ZEB1: variants seen among roughly 807,000 people sequenced by gnomAD.
The protein encoded by ZEB1 is zinc finger E-box binding homeobox 1.
ZEB1 carries 21 observed loss-of-function variants against 84.9 expected under a neutral mutation model. The ratio of observed to expected loss-of-function variants is 0.25; its 90% CI spans 0.18 to 0.36. The LOEUF (loss-of-function observed/expected upper bound fraction) is 0.36. Ranked by LOEUF, ZEB1 falls within the 10% of genes least tolerant of loss-of-function variation. ZEB1 has a pLI of 1.00. For synonymous variants in ZEB1, 420 were observed against 471.1 expected (o/e 0.89, Z 1.41); for missense variants, 1,104 against 1,330.2 (o/e 0.83, Z 2.65).
At chr10:31,391,642 C>T (rs149442523) in intron 1 of ZEB1, among the ~76,000 whole-genome samples, 328 of 152,308 alleles carry the variant, frequency 2.2e-3, no homozygotes, top group African/African-American at 7.6e-3. Context: ...AATGAGTAAA[C>T]TAATGAGTTG....
intron 3 of ZEB1, among the ~76,000 whole-genome samples, chr10:31,501,383 A>G (rs779159406): frequency 6.6e-6 from 1 of 152,216 alleles, no homozygotes; most frequent in Non-Finnish European, 1.5e-5. Context: ...AAAAGTTGCC[A>G]CTGCCTTAAT....
intron 2 of ZEB1, among the ~76,000 whole-genome samples, chr10:31,473,360 G>A (rs901218522): frequency 6.7e-6 from 1 of 148,764 alleles, no homozygotes; most frequent in African/African-American, 2.4e-5. Context: ...CTTCAGCAAA[G>A]TCTCAGGATA....
intron 2 of ZEB1, among the ~76,000 whole-genome samples, chr10:31,468,421 G>A (rs1231887454): frequency 6.6e-6 from 1 of 152,164 alleles, no homozygotes; most frequent in African/African-American, 2.4e-5. Flanking sequence ...TGATATCATT[G>A]CACAGCACTC....
intron 3 of ZEB1, among the ~76,000 whole-genome samples, chr10:31,499,349 A>AT (rs1324435378): frequency 3.3e-5 from 5 of 152,096 alleles, no homozygotes; most frequent in Admixed American, 2.6e-4. Flanking sequence ...TTATCAGTAT[A>AT]TTTTTCATGA....
rs575009781 is a variant in ZEB1 at position 31,500,909 on chromosome 10, G to C, written c.323-1439G>C. 3.9e-5 allele frequency among the ~76,000 whole-genome samples: 6 copies of C among 152,288 alleles called. No individual in the cohort carries two copies. The East Asian group carries it at 1.2e-3, about 29-fold the overall frequency. On this transcript the variant is annotated intron_variant, in intron 3 of 8. Transcript: ENST00000424869. ...CTACTGACATGAACTAAATAATGCA[G>C]TTCTTGGTATATAGCAAATGCTAAA...
At chr10:31,455,483 G>T (rs1048207448) in intron 1 of ZEB1, among the ~76,000 whole-genome samples, 6 of 152,144 alleles carry the variant, frequency 3.9e-5, no homozygotes, top group Non-Finnish European at 7.4e-5. Flanking sequence ...GCAACCTACA[G>T]AATGGGAGAA....
intron 1 of ZEB1, among the ~76,000 whole-genome samples, chr10:31,323,184 T>C (rs1384963473): frequency 2.0e-5 from 3 of 152,156 alleles, no homozygotes; most frequent in Admixed American, 6.5e-5. Flanking sequence ...TTTATGTTCT[T>C]AGGTTTGGAG....
chr10:31,325,326 A>G (rs1025643140), intron 1 of ZEB1, among the ~76,000 whole-genome samples: 4 of 152,064 alleles, frequency 2.6e-5, no homozygotes, highest in South Asian at 2.1e-4. Flanking sequence ...TCAAGTGTCT[A>G]TTTGTATTAT....
chr10:31,374,636 TATAA>T (rs1360421543), intron 1 of ZEB1, among the ~76,000 whole-genome samples: 1 of 151,858 alleles, frequency 6.6e-6, no homozygotes, highest in Admixed American at 6.6e-5. Context: ...AAAGTTAGTG[TATAA>T]ATAAAGCACA....
At chr10:31,515,234 A>C (rs1261260411) in intron 6 of ZEB1, among the ~76,000 whole-genome samples, 1 of 152,082 alleles carries the variant, frequency 6.6e-6, no homozygotes, top group Non-Finnish European at 1.5e-5. Context: ...TCACCTGTCT[A>C]TTCCATGTCA....
chr10:31,450,480 T>G (rs1316069967), intron 1 of ZEB1, among the ~76,000 whole-genome samples: 1 of 152,122 alleles, frequency 6.6e-6, no homozygotes, highest in Non-Finnish European at 1.5e-5. Flanking sequence ...GTTTTTTTAT[T>G]GATTTTTCCT....
At chr10:31,392,955 C>T (rs1399685592) in intron 1 of ZEB1, among the ~76,000 whole-genome samples, 3 of 152,218 alleles carry the variant, frequency 2.0e-5, no homozygotes, top group South Asian at 4.1e-4. Context: ...CTGTTTCAGC[C>T]TCCTGAGTAG....
intron 2 of ZEB1, among the ~76,000 whole-genome samples, chr10:31,464,813 C>T: frequency 6.6e-6 from 1 of 152,126 alleles, no homozygotes; most frequent in Admixed American, 6.5e-5. Context: ...GAAATACTTT[C>T]CCAAAAACAA....
At chr10:31,475,816 C>G (rs906131242) in intron 2 of ZEB1, among the ~76,000 whole-genome samples, 10 of 152,058 alleles carry the variant, frequency 6.6e-5, no homozygotes, top group African/African-American at 2.4e-4. Context: ...AAGGATAATA[C>G]TCACCATCAT....
At chr10:31,383,821 AAGGAAT>A (rs903713120) in intron 1 of ZEB1, among the ~76,000 whole-genome samples, 2 of 152,146 alleles carry the variant, frequency 1.3e-5, no homozygotes, top group African/African-American at 4.8e-5. Flanking sequence ...GAACTGGTAA[AAGGAAT>A]ATACTGGAAT....
intron 2 of ZEB1, among the ~76,000 whole-genome samples, chr10:31,490,637 TG>T (rs2066398962): frequency 6.6e-6 from 1 of 151,796 alleles, no homozygotes; most frequent in Non-Finnish European, 1.5e-5. Flanking sequence ...GTTGTCTTAA[TG>T]TCTTAGTTTA....
At chr10:31,483,174 C>G (rs928931838) in intron 2 of ZEB1, among the ~76,000 whole-genome samples, 2 of 152,040 alleles carry the variant, frequency 1.3e-5, no homozygotes, top group African/African-American at 4.8e-5. Flanking sequence ...CAGTGGCAAT[C>G]CCACATTTCA....
At chr10:31,363,737 G>T (rs1389799947) in intron 1 of ZEB1, 2 of 1,202,290 alleles carry the variant, frequency 1.7e-6, no homozygotes, top group Non-Finnish European at 1.2e-6. Flanking sequence ...GACAGCACGG[G>T]TTTCTTCCTT....
intron 1 of ZEB1, among the ~76,000 whole-genome samples, chr10:31,391,780 G>A (rs1389092917): frequency 6.6e-6 from 1 of 151,966 alleles, no homozygotes; most frequent in African/African-American, 2.4e-5. Context: ...TTTTTACCTG[G>A]GGATCCTTGG....
Sources: allele counts gnomAD v4.1 joint callset (sites outside exome capture counted in the v4.1 genomes callset), GRCh38; gene constraint gnomAD v4.1.1; transcripts MANE v1.5; gene names NCBI Gene and HGNC (gene_info 2026-07-23, HGNC 2026-07-21).